LMTK2: variants seen among roughly 807,000 people sequenced by gnomAD.
LMTK2 encodes the protein serine/threonine-protein kinase LMTK2.
In LMTK2, 37 loss-of-function variants were observed where a neutral mutation model predicts 127.5. That is an observed-to-expected ratio of 0.29 (90% CI 0.22 to 0.38). The LOEUF is 0.38. Among genes scored for constraint, LMTK2 ranks in the 10% least tolerant of loss-of-function variants. The pLI, the probability that LMTK2 is intolerant of heterozygous loss-of-function variation, is 1.00. For missense variants in LMTK2, 1,694 were observed against 1,920.3 expected (o/e 0.88, Z 2.20); for synonymous variants, 819 against 810.1 (o/e 1.01, Z -0.19).
chr7:98,107,330 G>A, intron 1 of LMTK2, 50 bp downstream of exon 1: 7 of 1,208,746 alleles, frequency 5.8e-6, no homozygotes, highest in Non-Finnish European at 5.3e-6. Flanking sequence ...CGGCGTGGAG[G>A]GGAGGGGGCG....
At chr7:98,116,803 A>C (rs1437084595) in intron 1 of LMTK2, among the ~76,000 whole-genome samples, 3 of 152,190 alleles carry the variant, frequency 2.0e-5, no homozygotes, top group Non-Finnish European at 4.4e-5. Flanking sequence ...AAACCACATT[A>C]CATTTAGTAG....
intron 1 of LMTK2, among the ~76,000 whole-genome samples, chr7:98,134,047 C>A (rs1002418172): frequency 6.6e-6 from 1 of 152,106 alleles, no homozygotes; most frequent in Non-Finnish European, 1.5e-5. Context: ...AAAGGTTAAC[C>A]ACATAGAGGC....
intron 4 of LMTK2, among the ~76,000 whole-genome samples, chr7:98,151,713 A>G (rs1375762582): frequency 6.6e-6 from 1 of 152,240 alleles, no homozygotes; most frequent in African/African-American, 2.4e-5. Flanking sequence ...CTTATAAACA[A>G]CAGAAATTTA....
chr7:98,108,989 G>A (rs1338855328), intron 1 of LMTK2, among the ~76,000 whole-genome samples: 1 of 150,154 alleles, frequency 6.7e-6, no homozygotes, highest in African/African-American at 2.5e-5. Flanking sequence ...AGCCTCCTGT[G>A]TAGCTGGGAC....
Position 98,128,709 on chromosome 7 carries a change from C to G in LMTK2, c.104-8606C>G, listed in dbSNP as rs182292376. On this transcript the variant is annotated intron_variant, in intron 1 of 13. Coordinates refer to ENST00000297293, the MANE Select transcript of LMTK2 (RefSeq NM_014916.4). The stretch of plus-strand genomic sequence containing the variant: ...CTGAGTCCTGTGCTCCAGGGGCTCC[C>G]TGGGGAAGAGGCTGCCTTTGGATTC... Among the ~76,000 whole-genome samples, 187 of 152,266 alleles carry G rather than the reference C, an allele frequency of 1.2e-3. 1 individual carries two copies. The highest frequency in any genetic ancestry group is 4.7e-4 in the Non-Finnish European group (32 of 68,016).
At chr7:98,152,347 T>TA (rs1796871334) in intron 4 of LMTK2, among the ~76,000 whole-genome samples, 2 of 152,232 alleles carry the variant, frequency 1.3e-5, no homozygotes, top group South Asian at 4.1e-4. Context: ...GCAGGATGCT[T>TA]ACAACAGGAG....
intron 11 of LMTK2, among the ~76,000 whole-genome samples, chr7:98,199,744 C>T (rs1797680621): frequency 6.6e-6 from 1 of 152,258 alleles, no homozygotes; most frequent in African/African-American, 2.4e-5. Context: ...ATCCGCCCGC[C>T]TCGGTCTTCG....
chr7:98,132,781 A>G (rs1796541079), intron 1 of LMTK2, among the ~76,000 whole-genome samples: 1 of 150,138 alleles, frequency 6.7e-6, no homozygotes. Flanking sequence ...GTGGCCTTTA[A>G]TTTTTTTTTT....
At position 98,208,994 on chromosome 7, in the gene LMTK2, AG is replaced by A. The variant is rs1797849379; in HGVS notation, c.*3504del. On this transcript the variant is annotated 3_prime_UTR_variant, in exon 14 of 14. Coordinates refer to ENST00000297293, the MANE Select transcript of LMTK2 (RefSeq NM_014916.4). ...TGTCCCCAGGGCCCCGGTGGAAGGA[AG>A]GCAGCGCCTGCTCTTCCTTAACTCA... 1 of 152,346 alleles carries A rather than the reference AG, an allele frequency of 6.6e-6. No homozygotes were observed. The highest frequency in any genetic ancestry group is 2.1e-4 in the South Asian group (1 of 4,830). The allele number at this position is 152,346 out of a possible 1,614,324, so 9.4% of individuals were successfully genotyped here. A position where few individuals can be genotyped will look rare whatever the true frequency, so the allele number is the denominator to read the frequency against.
chr7:98,190,205 C>G (rs1487414899), intron 9 of LMTK2, among the ~76,000 whole-genome samples: 2 of 152,166 alleles, frequency 1.3e-5, no homozygotes, highest in African/African-American at 4.8e-5. Context: ...TATTCAGTAG[C>G]AAATAGGAGG....
intron 11 of LMTK2, among the ~76,000 whole-genome samples, chr7:98,198,393 GT>G (rs1208778780): frequency 2.6e-5 from 4 of 152,118 alleles, no homozygotes; most frequent in African/African-American, 9.7e-5. Context: ...GTTTCACCAT[GT>G]TGGCCAGGAT....
intron 7 of LMTK2, among the ~76,000 whole-genome samples, chr7:98,173,949 G>A (rs925777509): frequency 2.6e-5 from 4 of 151,932 alleles, no homozygotes; most frequent in Admixed American, 1.3e-4. Flanking sequence ...CCAGCTATTC[G>A]GGAGGCTGAG....
intron 7 of LMTK2, among the ~76,000 whole-genome samples, chr7:98,178,715 A>G (rs988701814): frequency 6.6e-6 from 1 of 152,332 alleles, no homozygotes; most frequent in African/African-American, 2.4e-5. Context: ...TGGGCTTCAG[A>G]TAATATTTAT....
chr7:98,129,586 G>A (rs1235170893), intron 1 of LMTK2, among the ~76,000 whole-genome samples: 1 of 150,326 alleles, frequency 6.7e-6, no homozygotes, highest in Non-Finnish European at 1.5e-5. Context: ...TGCTGGTCTT[G>A]AACTCCTGGG....
intron 11 of LMTK2, among the ~76,000 whole-genome samples, chr7:98,200,925 G>A (rs1275686884): frequency 1.3e-5 from 2 of 152,076 alleles, no homozygotes; most frequent in Admixed American, 1.3e-4. Flanking sequence ...CTCTGATCTG[G>A]AGGGCCTCCT....
At chr7:98,189,859 C>T (rs1797496779) in intron 9 of LMTK2, among the ~76,000 whole-genome samples, 1 of 152,100 alleles carries the variant, frequency 6.6e-6, no homozygotes, top group Non-Finnish European at 1.5e-5. Flanking sequence ...GGGATCCCTT[C>T]AGAATAGCAG....
rs1192710863 is a variant in LMTK2, at chr7:98,191,794, A to T, written c.1329A>T (p.Ala443=). 1 of 1,614,186 alleles carries T rather than the reference A, an allele frequency of 6.2e-7. No individual in the cohort carries two copies. Among genetic ancestry groups the T allele is most frequent in the East Asian group, 2.2e-5 (1 of 44,868 alleles). ...TNSRDSSNNA[A]FPILDHFARD... is the part of the protein sequence containing the mutation. ...GCAGAGACTCCTCCAACAATGCTGCATTCCCAATTCTCGACCACTTTGCCA... is the reference window on the plus strand; with the variant it reads ...GCAGAGACTCCTCCAACAATGCTGCTTTCCCAATTCTCGACCACTTTGCCA... Residue 443 remains alanine (A), a synonymous_variant, in exon 11 of 14, where the codon GCA becomes GCT. Coordinates refer to ENST00000297293, the MANE Select transcript of LMTK2 (RefSeq NM_014916.4).
chr7:98,152,971 A>G (rs1653557478), intron 4 of LMTK2, among the ~76,000 whole-genome samples: 2 of 152,188 alleles, frequency 1.3e-5, no homozygotes, highest in South Asian at 4.1e-4. Flanking sequence ...CTGTGGAGGA[A>G]GAGGCAGTCA....
chr7:98,134,908 G>A (rs929568786), intron 1 of LMTK2, among the ~76,000 whole-genome samples: 2 of 152,200 alleles, frequency 1.3e-5, no homozygotes, highest in African/African-American at 2.4e-5. Flanking sequence ...AGGAAGCACC[G>A]AGTTACCTCC....
Sources: gnomAD v4.1 joint callset for allele counts (sites outside exome capture counted in the v4.1 genomes callset) on GRCh38, gnomAD v4.1.1 for gene constraint, MANE v1.5 for transcripts, NCBI Gene and HGNC (gene_info 2026-07-23, HGNC 2026-07-21) for gene names.